The following SF3A1 variants were observed in gnomAD, a reference collection of about 807,000 sequenced individuals.
SF3A1 encodes SAP 114.
In SF3A1, 13 loss-of-function variants were observed where a neutral mutation model predicts 89.9. The ratio of observed to expected loss-of-function variants is 0.14; its 90% CI spans 0.09 to 0.23. The LOEUF (loss-of-function observed/expected upper bound fraction) is 0.23. Ranked by LOEUF, SF3A1 falls within the 10% of genes least tolerant of loss-of-function variation. The pLI is 1.00. For synonymous variants in SF3A1, 405 were observed against 374.4 expected (o/e 1.08, Z -0.94); for missense variants, 604 against 1,022.1 (o/e 0.59, Z 5.58).
At chr22:30,339,346 C>A in intron 9 of SF3A1, 95 bp from the exon 10 acceptor site, 1 of 1,508,134 alleles carries the variant, frequency 6.6e-7, no homozygotes, top group South Asian at 1.2e-5. Flanking sequence ...AGGGAGGAGG[C>A]TGGTTCCATG....
Position 30,344,925 on chromosome 22 carries a change from C to G in SF3A1, c.651+8G>C, listed in dbSNP as rs114214629. On this transcript the variant is annotated splice_region_variant and intron_variant, in intron 4 of 15. Coordinates refer to ENST00000215793, the MANE Select transcript of SF3A1 (RefSeq NM_005877.6). ...GCCCAGGACCCCAGCCCCATCCTGC[C>G]CAGGCACCTTGGTGTACTGTTCCAC... 4,383 of 1,612,130 alleles carry G rather than the reference C, an allele frequency of 2.7e-3. 77 individuals are homozygous for G. The African/African-American group carries it at 0.046, about 17-fold the overall frequency.
At chr22:30,341,964 G>A (rs952682566) in intron 6 of SF3A1, 79 bp from the exon 7 acceptor site, 50 of 1,406,642 alleles carry the variant, frequency 3.6e-5, no homozygotes, top group Admixed American at 6.2e-5. Context: ...CCAAGGGCTG[G>A]GGCCATGTCT....
At chr22:30,344,702 G>A (rs972750964) in intron 4 of SF3A1, among the ~76,000 whole-genome samples, 3 of 152,236 alleles carry the variant, frequency 2.0e-5, no homozygotes, top group African/African-American at 7.2e-5. Flanking sequence ...CCTAATGGTA[G>A]TTAGCAAGCA....
At chr22:30,353,741 C>T (rs1395968700) in intron 1 of SF3A1, among the ~76,000 whole-genome samples, 1 of 152,122 alleles carries the variant, frequency 6.6e-6, no homozygotes, top group Non-Finnish European at 1.5e-5. Flanking sequence ...TCTTAAGACA[C>T]GAGTCTGCCG....
intron 2 of SF3A1, among the ~76,000 whole-genome samples, chr22:30,351,728 G>A (rs1160213968): frequency 1.3e-5 from 2 of 152,144 alleles, no homozygotes; most frequent in African/African-American, 2.4e-5. Flanking sequence ...AAATTCCTGA[G>A]TTCAAGTGAT....
In SF3A1 at chr22:30,333,909, G is replaced by A. The variant is rs1930987048; in HGVS notation, c.*685C>T. Reference sequence around the variant, plus strand: ...CAGGAAACCACCGCCCACTGACACAGGGACTGCACCATCCATCCTTGGTTT... The same window carrying A: ...CAGGAAACCACCGCCCACTGACACAAGGACTGCACCATCCATCCTTGGTTT... On this transcript the variant is annotated 3_prime_UTR_variant, in exon 16 of 16. Transcript: ENST00000215793. 1 of 152,204 alleles carries A rather than the reference G, an allele frequency of 6.6e-6. No homozygotes were observed. Among genetic ancestry groups the A allele is most frequent in the African/African-American group, 2.4e-5 (1 of 41,440 alleles). 9.4% of individuals were successfully genotyped at this position (152,204 alleles called of 1,614,324 possible).
chr22:30,340,931 C>G, intron 7 of SF3A1, 119 bp from the exon 8 acceptor site: 2 of 666,944 alleles, frequency 3.0e-6, no homozygotes, highest in Non-Finnish European at 2.6e-6. Flanking sequence ...CGTCCATGTG[C>G]TAAGCCTCCC....
At position 30,335,404 on chromosome 22, in the gene SF3A1, T is replaced by C. The variant is rs371747612; in HGVS notation, c.2280+63A>G. On this transcript the variant is annotated intron_variant, in intron 15 of 15. Transcript: ENST00000215793. ...CCCCTTTTAGCTTCCATGACAGATT[T>C]AGCTTCTGTGAAAGCAGAGGTGTCA... The C allele has an allele frequency of 5.1e-6, 7 of 1,376,894 alleles. No homozygotes were observed. The African/African-American group carries it at 1.0e-4, about 20-fold the overall frequency. 85.3% of individuals were successfully genotyped at this position (1,376,894 alleles called of 1,614,324 possible).
chr22:30,337,037 G>A lies in SF3A1; in HGVS notation c.2095C>T (p.Arg699Cys), dbSNP rs780989007. Residue 699 changes from arginine to cysteine, a missense_variant, in exon 13 of 16, where the codon CGC (arginine) becomes TGC (cysteine). This residue lies in a region of SF3A1 where 74 missense variants were observed against 141.3 expected (regional missense o/e 0.52). Coordinates refer to ENST00000215793, the MANE Select transcript of SF3A1 (RefSeq NM_005877.6). ...DSLMPEEEFL[R>C]RNKGPVSIKV... ...CTGGGATTACATACCTTGTTTCTGC[G>A]CAGGAACTCCTCCTCTGGCATGAGG... 1.8e-5 allele frequency: 29 copies of A among 1,614,036 alleles called. No individual in the cohort carries two copies. In the Middle Eastern group the frequency reaches 4.9e-4, roughly 27 times the overall value.
At chr22:30,343,315 G>C (rs939413988) in intron 4 of SF3A1, among the ~76,000 whole-genome samples, 2 of 152,096 alleles carry the variant, frequency 1.3e-5, no homozygotes, top group East Asian at 1.9e-4. Flanking sequence ...CTTTCTCTCT[G>C]TAGTATTTAG....
intron 12 of SF3A1, 69 bp from the exon 13 acceptor site, chr22:30,337,249 G>C (rs1195669985): frequency 3.0e-5 from 43 of 1,431,176 alleles, no homozygotes; most frequent in Non-Finnish European, 4.7e-6. Flanking sequence ...CTGATGAGAA[G>C]TTGAGAGGGA....
At chr22:30,343,795 T>C (rs1169545469) in intron 4 of SF3A1, among the ~76,000 whole-genome samples, 1 of 152,238 alleles carries the variant, frequency 6.6e-6, no homozygotes, top group Non-Finnish European at 1.5e-5. Flanking sequence ...CTTGAATGAC[T>C]GTTATTTTAG....
chr22:30,340,176 T>A lies in SF3A1; in HGVS notation c.1375+20A>T. On this transcript the variant is annotated intron_variant, in intron 9 of 15. Transcript: ENST00000215793. ...GTAATTCGGAGACTACCATGGGCTC[T>A]CCTGGAACCCCCACCTCACCTGGTG... is the stretch of plus-strand genomic sequence containing the variant. 1 of 1,482,576 alleles carries A rather than the reference T, an allele frequency of 6.7e-7. No individual in the cohort carries two copies. The highest frequency in any genetic ancestry group is 1.4e-5 in the South Asian group (1 of 72,210). The allele number at this position is 1,482,576 out of a possible 1,614,324, so 91.8% of individuals were successfully genotyped here.
At chr22:30,338,246 G>A (rs938749142) in intron 11 of SF3A1, among the ~76,000 whole-genome samples, 1 of 152,110 alleles carries the variant, frequency 6.6e-6, no homozygotes. Flanking sequence ...ATCACCGGAG[G>A]TCGGGAGTTC....
At chr22:30,334,785 G>T (rs1054043857) in intron 15 of SF3A1, 90 bp from the exon 16 acceptor site, 6 of 868,984 alleles carry the variant, frequency 6.9e-6, no homozygotes, top group Non-Finnish European at 9.1e-6. Context: ...GTCTGTTTGC[G>T]CTCTGGACTT....
chr22:30,335,903 G>A (rs1298656295), intron 13 of SF3A1, 150 bp from the exon 14 acceptor site: 5 of 658,886 alleles, frequency 7.6e-6, no homozygotes, highest in African/African-American at 1.8e-5. Context: ...CCCCTTGTGA[G>A]GTTGTACAAG....
In SF3A1 at chr22:30,338,841, G is replaced by C; in HGVS notation, c.1691C>G (p.Thr564Ser). The C allele has an allele frequency of 6.2e-7, 1 of 1,614,230 alleles. No homozygotes were observed. The highest frequency in any genetic ancestry group is 8.5e-7 in the Non-Finnish European group (1 of 1,180,036). ...GGGTGGAGCCGAGCTGGGGATGTTG[G>C]TGGCTGAAGATGGTGGCGGTGGCTG... ...PQQPPPPSSA[T>S]NIPSSAPPIT... Residue 564 changes from threonine (T) to serine (S), a missense_variant, in exon 11 of 16, where the codon ACC becomes AGC. This residue lies in a region of SF3A1 where 85 missense variants were observed against 137.3 expected (regional missense o/e 0.62). Transcript: ENST00000215793.
chr22:30,352,685 A>G, intron 2 of SF3A1: 1 of 333,720 alleles, frequency 3.0e-6, no homozygotes, highest in South Asian at 5.7e-5. Context: ...GTGATGAAGC[A>G]GCTTTCCAGG....
chr22:30,335,263 TCTA>T (rs2145799594), intron 15 of SF3A1, among the ~76,000 whole-genome samples: 1 of 152,254 alleles, frequency 6.6e-6, no homozygotes, highest in Non-Finnish European at 1.5e-5. Flanking sequence ...CACACAAGAC[TCTA>T]CTGTGACCCC....
Sources: allele counts gnomAD v4.1 joint callset (sites outside exome capture counted in the v4.1 genomes callset), GRCh38; gene constraint gnomAD v4.1.1; regional missense constraint gnomAD v4.1.1; transcripts MANE v1.5; gene names NCBI Gene and HGNC (gene_info 2026-07-23, HGNC 2026-07-21).